The following LOXHD1 variants were observed in gnomAD, a reference collection of about 807,000 sequenced individuals.
The protein encoded by LOXHD1 is lipoxygenase homology domain-containing protein 1.
In LOXHD1, 205 loss-of-function variants were observed where a neutral mutation model predicts 248.2. The ratio of observed to expected loss-of-function variants is 0.83; its 90% CI spans 0.74 to 0.93. The LOEUF (loss-of-function observed/expected upper bound fraction) is 0.93. Ranked by LOEUF, LOXHD1 falls within the 40% of genes least tolerant of loss-of-function variation. The pLI, the probability that LOXHD1 is intolerant of heterozygous loss-of-function variation, is 0.00. For synonymous variants in LOXHD1, 1,113 were observed against 1,162.8 expected (o/e 0.96, Z 0.87); for missense variants, 2,930 against 2,971.6 (o/e 0.99, Z 0.33).
intron 31 of LOXHD1, among the ~76,000 whole-genome samples, chr18:46,523,881 G>A (rs78998568): frequency 6.6e-6 from 1 of 151,988 alleles, no homozygotes; most frequent in African/African-American, 2.4e-5. Context: ...CCTGGAGGGG[G>A]ATAGCATGGT....
intron 34 of LOXHD1, among the ~76,000 whole-genome samples, chr18:46,511,230 A>G (rs896068336): frequency 2.6e-5 from 4 of 152,256 alleles, no homozygotes; most frequent in African/African-American, 9.6e-5. Context: ...GTGTAAAACC[A>G]TCTAAAGTGA....
At chr18:46,635,999 T>C (rs1172623391) in intron 4 of LOXHD1, among the ~76,000 whole-genome samples, 3 of 152,188 alleles carry the variant, frequency 2.0e-5, no homozygotes, top group Admixed American at 6.5e-5. Flanking sequence ...TGGTTGGTCC[T>C]GCTTGATGTC....
At chr18:46,589,729 A>C (rs112218333) in intron 12 of LOXHD1, among the ~76,000 whole-genome samples, 132 of 152,244 alleles carry the variant, frequency 8.7e-4, no homozygotes, top group African/African-American at 3.1e-3. Flanking sequence ...CCATACCCCC[A>C]AATTTATATA....
At chr18:46,615,134 C>A (rs2038567164) in intron 5 of LOXHD1, among the ~76,000 whole-genome samples, 1 of 152,076 alleles carries the variant, frequency 6.6e-6, no homozygotes, top group Non-Finnish European at 1.5e-5. Flanking sequence ...TAGAGGAGAC[C>A]CTCATGTTCC....
At chr18:46,584,752 C>A (rs959952405) in intron 12 of LOXHD1, among the ~76,000 whole-genome samples, 3 of 151,960 alleles carry the variant, frequency 2.0e-5, no homozygotes, top group African/African-American at 7.2e-5. Flanking sequence ...CCAAAACTGA[C>A]AAAGACGTCA....
chr18:46,478,585 G>A (rs1275010493), intron 40 of LOXHD1, among the ~76,000 whole-genome samples: 1 of 152,040 alleles, frequency 6.6e-6, no homozygotes, highest in Non-Finnish European at 1.5e-5. Flanking sequence ...ACCCTCCAGT[G>A]GCTTCCCATG....
chr18:46,477,064 T>C, downstream of LOXHD1: 1 of 689,598 alleles, frequency 1.5e-6, no homozygotes, highest in Non-Finnish European at 2.7e-6. Context: ...ATATGGTTGG[T>C]AATAATTTAA....
chr18:46,550,765 G>C (rs1228270159), intron 21 of LOXHD1, among the ~76,000 whole-genome samples: 1 of 152,134 alleles, frequency 6.6e-6, no homozygotes, highest in Non-Finnish European at 1.5e-5. Context: ...AATGTTTGTT[G>C]TGTTAGGCCA....
intron 5 of LOXHD1, among the ~76,000 whole-genome samples, chr18:46,614,468 G>A (rs1280204656): frequency 2.0e-5 from 3 of 152,118 alleles, no homozygotes; most frequent in Non-Finnish European, 2.9e-5. Flanking sequence ...CTATCGCAAG[G>A]ATAGAAAACC....
At position 46,524,473 on chromosome 18, in the gene LOXHD1, C is replaced by A. The variant is rs1024562291; in HGVS notation, c.4869G>T (p.Glu1623Asp). Residue 1623 changes from glutamate (E) to aspartate (D), a missense_variant, in exon 31 of 41, where the codon GAG becomes GAT. Coordinates refer to ENST00000642948, the MANE Select transcript of LOXHD1 (RefSeq NM_001384474.1). ...GCTCCCTGGTTGGCTTACTTGGGCC[C>A]TCTTGAACGTAGTCAGCCATGGGCC... ...VTGPMADYVQ[E>D]GPIIPYYVSV... 2.4e-5 allele frequency: 38 copies of A among 1,551,174 alleles called. No individual in the cohort carries two copies. Among genetic ancestry groups the A allele is most frequent in the Admixed American group, 3.9e-5 (2 of 50,978 alleles).
intron 36 of LOXHD1, 84 bp downstream of exon 36, chr18:46,507,454 C>T (rs140391781): frequency 4.7e-6 from 7 of 1,484,082 alleles, no homozygotes; most frequent in East Asian, 2.5e-5. Flanking sequence ...AAGAAAAATG[C>T]CCTGACCAGA....
intron 1 of LOXHD1, among the ~76,000 whole-genome samples, chr18:46,653,349 A>G (rs1292245289): frequency 6.6e-6 from 1 of 152,332 alleles, no homozygotes; most frequent in East Asian, 1.9e-4. Context: ...TGGGGGCTGG[A>G]AATATTTCAT....
At chr18:46,585,026 A>T (rs910702836) in intron 12 of LOXHD1, among the ~76,000 whole-genome samples, 10 of 152,130 alleles carry the variant, frequency 6.6e-5, no homozygotes, top group Admixed American at 2.0e-4. Context: ...TTTCATGATT[A>T]AAAAAACCCA....
At chr18:46,579,485 C>T in intron 13 of LOXHD1, 145 bp downstream of exon 13, 3 of 1,095,284 alleles carry the variant, frequency 2.7e-6, no homozygotes, top group Non-Finnish European at 2.6e-6. Context: ...CCCCAGTTCC[C>T]CGCCCCCTTA....
chr18:46,494,847 CTCTTTT>C (rs2033734741), intron 37 of LOXHD1, among the ~76,000 whole-genome samples: 14 of 113,432 alleles, frequency 1.2e-4, no homozygotes, highest in South Asian at 5.9e-4. Flanking sequence ...TTTTCTCTCT[CTCTTTT>C]TTTTTTTTTT....
chr18:46,639,261 G>A lies in LOXHD1; in HGVS notation c.511+355C>T, dbSNP rs391826. ...TTGGGCATCGTAAGAAAAGAAAAAG[G>A]ATAGGAAAATGGGGAAGGCTGCCTT... On this transcript the variant is annotated intron_variant, in intron 4 of 40. Transcript: ENST00000642948. Among the ~76,000 whole-genome samples the A allele has an allele frequency of 6.6e-3, 1,007 of 152,272 alleles. 2 individuals are homozygous for A. Among genetic ancestry groups the A allele is most frequent in the Middle Eastern group, 0.024 (7 of 294 alleles).
At chr18:46,590,062 A>G (rs2038136798) in intron 12 of LOXHD1, among the ~76,000 whole-genome samples, 1 of 152,234 alleles carries the variant, frequency 6.6e-6, no homozygotes, top group South Asian at 2.1e-4. Flanking sequence ...TTTAGAGAAC[A>G]ACACAATTTT....
rs368221854 is a variant in LOXHD1 at position 46,505,816 on chromosome 18, C to T, written c.5878+22G>A. 43 of 1,551,366 alleles carry T rather than the reference C, an allele frequency of 2.8e-5. No homozygotes were observed. The East Asian group carries it at 8.3e-4, about 30-fold the overall frequency. On this transcript the variant is annotated intron_variant, in intron 37 of 40. Coordinates refer to ENST00000642948, the MANE Select transcript of LOXHD1 (RefSeq NM_001384474.1). Reference sequence around the variant, plus strand: ...GAGCTGAGGGCTGCCCTCCCACCAACCTGGCCTTGAGTGGGAGCTACCTTT... The same window carrying T: ...GAGCTGAGGGCTGCCCTCCCACCAATCTGGCCTTGAGTGGGAGCTACCTTT...
intron 37 of LOXHD1, among the ~76,000 whole-genome samples, chr18:46,492,785 C>T (rs754752394): frequency 2.0e-5 from 3 of 152,266 alleles, no homozygotes; most frequent in South Asian, 2.1e-4. Context: ...AATATAAATA[C>T]GGACTCATTC....
Sources: gnomAD v4.1 joint callset for allele counts (sites outside exome capture counted in the v4.1 genomes callset) on GRCh38, gnomAD v4.1.1 for gene constraint, MANE v1.5 for transcripts, NCBI Gene and HGNC (gene_info 2026-07-23, HGNC 2026-07-21) for gene names.